Variants in SPTBN4 observed in about 807,000 individuals in gnomAD.
SPTBN4 encodes the protein spectrin beta, non-erythrocytic 4.
SPTBN4 carries 96 observed loss-of-function variants against 277.8 expected under a neutral mutation model. The observed-to-expected ratio is 0.35, with a 90% CI of 0.29 to 0.41. The LOEUF (loss-of-function observed/expected upper bound fraction) is 0.41, where lower values mean the gene tolerates loss of function less well. SPTBN4 is among the 10% of genes least tolerant of loss of function. SPTBN4 has a pLI of 1.00. For synonymous variants in SPTBN4, 1,481 were observed against 1,580.3 expected (o/e 0.94, Z 1.49); for missense variants, 3,006 against 3,595.7 (o/e 0.84, Z 4.19).
At chr19:40,520,928 C>CT (rs551439338) in intron 16 of SPTBN4, among the ~76,000 whole-genome samples, 2,710 of 146,432 alleles carry the variant, frequency 0.019, 47 homozygotes, top group South Asian at 0.08. Flanking sequence ...GGTCCCCAAT[C>CT]TTTTTTTTTT....
At chr19:40,509,858 C>T (rs1037320416) in intron 13 of SPTBN4, among the ~76,000 whole-genome samples, 2 of 152,216 alleles carry the variant, frequency 1.3e-5, no homozygotes, top group Non-Finnish European at 2.9e-5. Flanking sequence ...TTTCCCTCCA[C>T]GCCCTGGTGT....
intron 15 of SPTBN4, among the ~76,000 whole-genome samples, chr19:40,516,138 T>C (rs111822949): frequency 4.7e-5 from 7 of 149,142 alleles, no homozygotes; most frequent in African/African-American, 1.7e-4. Flanking sequence ...CATGGGAGGC[T>C]GAGTTGGGAG....
chr19:40,550,839 C>A (rs2080910885), intron 22 of SPTBN4, among the ~76,000 whole-genome samples: 1 of 152,152 alleles, frequency 6.6e-6, no homozygotes, highest in African/African-American at 2.4e-5. Flanking sequence ...TCTGCATGAG[C>A]TTTCTTCTTA....
In SPTBN4 at chr19:40,493,131, G is replaced by A. The variant is rs1194275379; in HGVS notation, c.587+77G>A. On this transcript the variant is annotated intron_variant, in intron 5 of 35. Coordinates refer to ENST00000598249, the MANE Select transcript of SPTBN4 (RefSeq NM_020971.3). ...CTCTGCAATTCCTTCCCAGACAAGA[G>A]CTCAAGGGGCAGCCCATGTCCTCAG... 7.2e-6 allele frequency: 10 copies of A among 1,383,798 alleles called. No homozygotes were observed. In the Admixed American group the frequency reaches 1.6e-4, roughly 22 times the overall value. The allele number at this position is 1,383,798 out of a possible 1,614,324, so 85.7% of individuals were successfully genotyped here. A position where few individuals can be genotyped will look rare whatever the true frequency, so the allele number is the denominator to read the frequency against.
intron 6 of SPTBN4, 170 bp from the exon 7 acceptor site, chr19:40,497,319 C>T: frequency 3.3e-6 from 2 of 603,968 alleles, no homozygotes; most frequent in East Asian, 2.8e-5. Flanking sequence ...GCGTCCATCA[C>T]ACTCACATCA....
chr19:40,496,664 A>G (rs1371202021), intron 6 of SPTBN4, among the ~76,000 whole-genome samples: 1 of 152,192 alleles, frequency 6.6e-6, no homozygotes, highest in African/African-American at 2.4e-5. Context: ...TGACACAACC[A>G]GGATATGACC....
At chr19:40,469,007 G>A (rs1467150403) in intron 1 of SPTBN4, among the ~76,000 whole-genome samples, 2 of 152,098 alleles carry the variant, frequency 1.3e-5, no homozygotes, top group Non-Finnish European at 2.9e-5. Flanking sequence ...GCTGAGGTGG[G>A]AGGATCGCGT....
chr19:40,552,733 C>T (rs1342815972), intron 22 of SPTBN4, among the ~76,000 whole-genome samples: 1 of 152,074 alleles, frequency 6.6e-6, no homozygotes, highest in Non-Finnish European at 1.5e-5. Flanking sequence ...ATTTTGTTTT[C>T]CTGTCTTGAT....
intron 25 of SPTBN4, 27 bp from the exon 26 acceptor site, chr19:40,556,996 A>AACCC: frequency 7.3e-7 from 1 of 1,363,600 alleles, no homozygotes; most frequent in Non-Finnish European, 9.8e-7. Context: ...ACTTTGCTGT[A>AACCC]CCCCCCCCCC....
In SPTBN4 at chr19:40,515,243, G is replaced by A; in HGVS notation, c.2766-68G>A. 6.4e-7 allele frequency: 1 copy of A among 1,559,478 alleles called. No homozygotes were observed. Among genetic ancestry groups the A allele is most frequent in the East Asian group, 2.4e-5 (1 of 42,094 alleles). On this transcript the variant is annotated intron_variant, in intron 14 of 35. Coordinates refer to ENST00000598249, the MANE Select transcript of SPTBN4 (RefSeq NM_020971.3). This position sits in a 1 kb window ranked among gnomAD's most constrained non-coding sequence, Gnocchi z 4.1. The stretch of plus-strand genomic sequence containing the variant: ...GGATTGAGAATTAGGAGTAGAACCA[G>A]TAGAAGGTATTTCATAAAACCAAGG...
At chr19:40,549,751 G>C (rs1374146323) in intron 21 of SPTBN4, among the ~76,000 whole-genome samples, 1 of 152,120 alleles carries the variant, frequency 6.6e-6, no homozygotes. Flanking sequence ...TCACTCAGTT[G>C]ATCATTCTAG....
At position 40,556,208 on chromosome 19, in the gene SPTBN4, A is replaced by G. The variant is rs2080977249; in HGVS notation, c.5209A>G (p.Ser1737Gly). The G allele has an allele frequency of 6.2e-7, 1 of 1,613,442 alleles. No individual in the cohort carries two copies. The change falls in exon 25 of 36, where the codon AGC becomes GGC. Residue 1737 changes from serine (S) to glycine (G), a missense_variant. This residue lies in a region of SPTBN4 where 425 missense variants were observed against 594.7 expected (regional missense o/e 0.71). Coordinates refer to ENST00000598249, the MANE Select transcript of SPTBN4 (RefSeq NM_020971.3). ...YWLYQLSRQV[S>G]ELEHWIAEKE... ...GCTGTACCAGCTCAGCCGCCAGGTG[A>G]GCGAGCTTGAGCACTGGATTGCCGA...
intron 13 of SPTBN4, among the ~76,000 whole-genome samples, chr19:40,509,685 C>T (rs1369027874): frequency 1.3e-5 from 2 of 152,196 alleles, no homozygotes; most frequent in African/African-American, 4.8e-5. Flanking sequence ...GAGGCTGGTC[C>T]GTATCTCTCC....
chr19:40,504,525 C>A (rs891132404), intron 12 of SPTBN4, among the ~76,000 whole-genome samples: 1 of 151,880 alleles, frequency 6.6e-6, no homozygotes, highest in Non-Finnish European at 1.5e-5. Context: ...AACAATTAGC[C>A]GGGCGTAGTG....
At position 40,566,297 on chromosome 19, in the gene SPTBN4, G is replaced by A; in HGVS notation, c.6274G>A (p.Ala2092Thr). The A allele has an allele frequency of 6.3e-7, 1 of 1,594,516 alleles. No homozygotes were observed. Among genetic ancestry groups the A allele is most frequent in the Non-Finnish European group, 8.5e-7 (1 of 1,170,534 alleles). Residue 2092 changes from alanine (A) to threonine (T), a missense_variant, in exon 30 of 36, where the codon GCC becomes ACC. Physicochemically the swap from Ala to Thr is moderately conservative, Grantham distance 58. Coordinates refer to ENST00000598249, the MANE Select transcript of SPTBN4 (RefSeq NM_020971.3). Reference sequence around the variant, plus strand: ...GGAGCAGCTTATCCGGCGACATGAGGCCTTCCGCAAAGCGGCTGCAGCCTG... The same window carrying A: ...GGAGCAGCTTATCCGGCGACATGAGACCTTCCGCAAAGCGGCTGCAGCCTG... ...EVEQLIRRHE[A>T]FRKAAAAWEE...
In SPTBN4 at chr19:40,557,055, C is replaced by T. The variant is rs377175232; in HGVS notation, c.5322C>T (p.Ser1774=). Residue 1774 remains serine (S), a synonymous_variant, in exon 26 of 36, where the codon AGC becomes AGT. Coordinates refer to ENST00000598249, the MANE Select transcript of SPTBN4 (RefSeq NM_020971.3). ...VLQEKFSEFA[S]ETGMAGRERL... is the part of the protein sequence containing the mutation. ...AGGAGAAATTCTCAGAGTTTGCCAG[C>T]GAGACAGGTATGGCAGGGCGGGAAC... is the stretch of plus-strand genomic sequence containing the variant. The T allele has an allele frequency of 2.6e-5, 38 of 1,474,868 alleles. No homozygotes were observed. Among genetic ancestry groups the T allele is most frequent in the Non-Finnish European group, 3.4e-5 (37 of 1,097,222 alleles). 91.4% of individuals were successfully genotyped at this position (1,474,868 alleles called of 1,614,324 possible).
chr19:40,474,443 T>C (rs1476542204), intron 2 of SPTBN4, among the ~76,000 whole-genome samples: 1 of 151,310 alleles, frequency 6.6e-6, no homozygotes, highest in Non-Finnish European at 1.5e-5. Context: ...TTTTTTTTTT[T>C]TTTTTGAGTC....
chr19:40,543,647 A>G (rs952101804), intron 20 of SPTBN4, among the ~76,000 whole-genome samples: 1 of 152,076 alleles, frequency 6.6e-6, no homozygotes, highest in Non-Finnish European at 1.5e-5. Context: ...TTTCTTCTCT[A>G]GCTTTCCTCC....
At chr19:40,541,477 A>G (rs1417863782) in intron 20 of SPTBN4, among the ~76,000 whole-genome samples, 1 of 152,174 alleles carries the variant, frequency 6.6e-6, no homozygotes, top group Non-Finnish European at 1.5e-5. Flanking sequence ...GGACCTGCCA[A>G]GGCCCTGCTG....
Sources: gnomAD v4.1 joint callset for allele counts (sites outside exome capture counted in the v4.1 genomes callset) on GRCh38, gnomAD v4.1.1 for gene constraint, gnomAD v4.1.1 regional missense constraint, Gnocchi (gnomAD v3.1) non-coding constraint, MANE v1.5 for transcripts, NCBI Gene and HGNC (gene_info 2026-07-23, HGNC 2026-07-21) for gene names.